MUC12: variants seen among roughly 807,000 people sequenced by gnomAD.
MUC12 encodes the protein mucin 12, cell surface associated, also known as mucin-12.
MUC12 carries 172 observed loss-of-function variants against 230.8 expected under a neutral mutation model. The ratio of observed to expected loss-of-function variants is 0.75; its 90% CI spans 0.66 to 0.85. The LOEUF (loss-of-function observed/expected upper bound fraction) is 0.85. Among genes scored for constraint, MUC12 ranks in the 40% least tolerant of loss-of-function variants. The probability of loss-of-function intolerance (pLI) is 0.00; values close to 1 mark genes in which losing one functional copy is unlikely to be tolerated. For missense variants in MUC12, 3,506 were observed against 5,920.6 expected (o/e 0.59, Z 13.38); for synonymous variants, 1,259 against 2,401.9 (o/e 0.52, Z 13.91).
rs780555857 is a variant in MUC12 at position 101,004,527 on chromosome 7, C to G, written c.13964C>G (p.Pro4655Arg). The change falls in exon 2 of 12, where the codon CCT (proline) becomes CGT (arginine). Residue 4655 changes from proline to arginine, a missense_variant. By Grantham distance (103) the Pro-to-Arg change is moderately radical. Transcript: ENST00000536621. ...PSTTSALVEE[P>R]TSYHSSPGSI... Reference sequence around the variant, plus strand: ...ACCACATCTGCCCTTGTTGAAGAACCTACCAGCTACCACAGCAGCCCGGGC... The same window carrying G: ...ACCACATCTGCCCTTGTTGAAGAACGTACCAGCTACCACAGCAGCCCGGGC... 2 of 1,536,406 alleles carry G rather than the reference C, an allele frequency of 1.3e-6. No homozygotes were observed. Among genetic ancestry groups the G allele is most frequent in the East Asian group, 2.5e-5 (1 of 40,814 alleles).
Position 100,991,746 on chromosome 7 carries a change from C to G in MUC12, c.1183C>G (p.His395Asp). 1 of 1,538,000 alleles carries G rather than the reference C, an allele frequency of 6.5e-7. No individual in the cohort carries two copies. Among genetic ancestry groups the G allele is most frequent in the Admixed American group, 2.0e-5 (1 of 51,008 alleles). The change falls in exon 2 of 12, where the codon CAC becomes GAC. Residue 395 changes from histidine to aspartate, a missense_variant. By Grantham distance (81) the His-to-Asp change is moderately conservative. Transcript: ENST00000536621. Reference sequence around the variant, plus strand: ...AGCAACTTTCCACGGCAGCACAACACACACAAAATCTTCAACTCCTAGCAC... The same window carrying G: ...AGCAACTTTCCACGGCAGCACAACAGACACAAAATCTTCAACTCCTAGCAC... ...ESATFHGSTT[H>D]TKSSTPSTTA...
At chr7:101,007,397 C>T (rs903464331) in intron 3 of MUC12, among the ~76,000 whole-genome samples, 2 of 152,200 alleles carry the variant, frequency 1.3e-5, no homozygotes, top group African/African-American at 4.8e-5. Flanking sequence ...CTCTCACCTC[C>T]ACCCTACTAC....
At position 100,969,606 on chromosome 7, in the gene MUC12, G is replaced by A; in HGVS notation, c.-17G>A. 1.3e-6 allele frequency: 2 copies of A among 1,537,448 alleles called. No homozygotes were observed. Among genetic ancestry groups the A allele is most frequent in the Non-Finnish European group, 1.7e-6 (2 of 1,146,950 alleles). ...TGATGAGAGAAGATGGGCAGCCAGGGGCCCGTTCCCCGGGAGATGCTGGTG... is the reference window on the plus strand; with the variant it reads ...TGATGAGAGAAGATGGGCAGCCAGGAGCCCGTTCCCCGGGAGATGCTGGTG... On this transcript the variant is annotated 5_prime_UTR_variant, in exon 1 of 12. Coordinates refer to ENST00000536621, the MANE Select transcript of MUC12 (RefSeq NM_001164462.2).
At position 100,979,164 on chromosome 7, in the gene MUC12, CTG is replaced by C. The variant is rs1234537740; in HGVS notation, c.67+9477_67+9478del. 2.6e-5 allele frequency among the ~76,000 whole-genome samples: 4 copies of C among 152,252 alleles called. No homozygotes were observed. In the South Asian group the frequency reaches 6.2e-4, roughly 24 times the overall value. On this transcript the variant is annotated intron_variant, in intron 1 of 11. Coordinates refer to ENST00000536621, the MANE Select transcript of MUC12 (RefSeq NM_001164462.2). Reference sequence around the variant, plus strand: ...ATGTGGAATGTAGAAGCAGTAAACACTGTAAATGGGCAAGAAAGGACTCAACT... The same window carrying C: ...ATGTGGAATGTAGAAGCAGTAAACACTAAATGGGCAAGAAAGGACTCAACT...
Position 101,012,876 on chromosome 7 carries a change from G to A in MUC12, c.15461G>A (p.Gly5154Asp). The change falls in exon 7 of 12, where the codon GGC becomes GAC. Residue 5154 changes from glycine (G) to aspartate (D), a missense_variant. Physicochemically the swap from Gly to Asp is moderately conservative, Grantham distance 94. Coordinates refer to ENST00000536621, the MANE Select transcript of MUC12 (RefSeq NM_001164462.2). ...DTFVDSSVTP[G>D]FDFQEQCTQK... ...TTCGTGGATTCATCGGTGACTCCGGGCTTTGACTTCCAGGGTAAGCGACTA... is the reference window on the plus strand; with the variant it reads ...TTCGTGGATTCATCGGTGACTCCGGACTTTGACTTCCAGGGTAAGCGACTA... The A allele has an allele frequency of 6.5e-7, 1 of 1,537,274 alleles. No individual in the cohort carries two copies. The highest frequency in any genetic ancestry group is 8.7e-7 in the Non-Finnish European group (1 of 1,146,920).
intron 1 of MUC12, among the ~76,000 whole-genome samples, chr7:100,978,061 CCT>C (rs1168106499): frequency 1.6e-4 from 24 of 152,156 alleles, no homozygotes; most frequent in African/African-American, 5.3e-4. Context: ...CTGGAAAGCC[CCT>C]GTTTCCAAAG....
At chr7:101,009,653 C>T (rs541147336) in intron 5 of MUC12, among the ~76,000 whole-genome samples, 80 of 151,966 alleles carry the variant, frequency 5.3e-4, no homozygotes, top group Non-Finnish European at 1.0e-3. Flanking sequence ...GGCAACATAG[C>T]GAGATCCCAT....
In MUC12 at chr7:101,013,171, C is replaced by T. The variant is rs1562794789; in HGVS notation, c.15638+29C>T. On this transcript the variant is annotated intron_variant, in intron 8 of 11. Transcript: ENST00000536621. Reference sequence around the variant, plus strand: ...AGTGTCCCCATAAGCCCAGCACCCACTCTGTCCTGGTGATAGGGCCCTCCC... The same window carrying T: ...AGTGTCCCCATAAGCCCAGCACCCATTCTGTCCTGGTGATAGGGCCCTCCC... 3.3e-6 allele frequency: 5 copies of T among 1,536,546 alleles called. No individual in the cohort carries two copies. In the South Asian group the frequency reaches 3.6e-5, roughly 11 times the overall value.
intron 11 of MUC12, 118 bp from the exon 12 acceptor site, chr7:101,018,457 AGGACTCCCTCCCTCCCCCTG>A (rs879050285): frequency 0.067 from 6,728 of 101,172 alleles, 226 homozygotes; most frequent in African/African-American, 0.26. Flanking sequence ...TCCTCTCCCT[AGGACTCCCTCCCTCCCCCTG>A]GGACTCCCTC....
At chr7:101,015,774 G>A (rs2116364848) in intron 10 of MUC12, 83 bp downstream of exon 10, 7 of 1,246,496 alleles carry the variant, frequency 5.6e-6, no homozygotes, top group African/African-American at 3.0e-5. Flanking sequence ...TGGGGGTGAC[G>A]TGGGGTCCAG....
chr7:100,975,071 G>A (rs2116261493), intron 1 of MUC12, among the ~76,000 whole-genome samples: 1 of 152,426 alleles, frequency 6.6e-6, no homozygotes, highest in South Asian at 2.1e-4. Context: ...GTTTCTGGGA[G>A]GAGCTGTCCT....
chr7:101,006,131 G>C (rs1381877411), intron 2 of MUC12, among the ~76,000 whole-genome samples: 2 of 152,116 alleles, frequency 1.3e-5, no homozygotes, highest in African/African-American at 4.8e-5. Flanking sequence ...ATCCGCATCT[G>C]CTCTGGCCTC....
chr7:100,992,216 T>C lies in MUC12; in HGVS notation c.1653T>C (p.Ala551=), dbSNP rs1171376892. The C allele has an allele frequency of 1.3e-6, 2 of 1,537,500 alleles. No individual in the cohort carries two copies. The highest frequency in any genetic ancestry group is 1.7e-4 in the Middle Eastern group (1 of 5,986). Residue 551 remains alanine, a synonymous_variant, in exon 2 of 12, where the codon GCT becomes GCC. Coordinates refer to ENST00000536621, the MANE Select transcript of MUC12 (RefSeq NM_001164462.2). ...CAGGCCTCAGTCAGGAATCTACAGCTTCCCACAGCAGCCCAGGCCCCACAG... is the reference window on the plus strand; with the variant it reads ...CAGGCCTCAGTCAGGAATCTACAGCCTCCCACAGCAGCCCAGGCCCCACAG... The part of the protein sequence containing the change: ...TMPGLSQEST[A]SHSSPGPTDT...
intron 2 of MUC12, 77 bp downstream of exon 2, chr7:101,005,596 C>G: frequency 2.1e-6 from 3 of 1,422,682 alleles, no homozygotes; most frequent in Non-Finnish European, 2.8e-6. Flanking sequence ...CCATTACAAC[C>G]TCTCTTGGTT....
intron 2 of MUC12, 41 bp downstream of exon 2, chr7:101,005,560 C>T: frequency 6.7e-7 from 1 of 1,502,910 alleles, no homozygotes; most frequent in Non-Finnish European, 8.9e-7. Context: ...GCTTCTTCTC[C>T]AGGCCTGTCC....
At chr7:100,974,498 G>A (rs1288177153) in intron 1 of MUC12, among the ~76,000 whole-genome samples, 1 of 149,520 alleles carries the variant, frequency 6.7e-6, no homozygotes, top group Non-Finnish European at 1.5e-5. Flanking sequence ...TTCCTCTACT[G>A]TGTCTTATCT....
chr7:101,004,793 A>T lies in MUC12; in HGVS notation c.14230A>T (p.Ser4744Cys), dbSNP rs1584843649. ...TGCAAAATCTACCATCCTTTACAGT[A>T]GCTCCAGATCACCAGACCAAACACT... ...LSAKSTILYS[S>C]SRSPDQTLSP... The change falls in exon 2 of 12, where the codon AGC (serine) becomes TGC (cysteine). Residue 4744 changes from serine to cysteine, a missense_variant. By Grantham distance (112) the Ser-to-Cys change is moderately radical (BLOSUM62 -1). Transcript: ENST00000536621. The T allele has an allele frequency of 6.5e-7, 1 of 1,537,776 alleles. No individual in the cohort carries two copies. Among genetic ancestry groups the T allele is most frequent in the East Asian group, 2.4e-5 (1 of 40,916 alleles).
In MUC12 at chr7:101,003,402, G is replaced by A. The variant is rs549751973; in HGVS notation, c.12839G>A (p.Gly4280Asp). Reference protein sequence around the residue: ...PESTTFHSSPGSTETTLLPDN... With the variant: ...PESTTFHSSPDSTETTLLPDN... ...TCTACTACCTTCCACAGCAGCCCAG[G>A]CTCCACTGAAACAACACTCTTACCT... The change falls in exon 2 of 12, where the codon GGC becomes GAC. Residue 4280 changes from glycine (G) to aspartate (D), a missense_variant. Gly to Asp is a moderately conservative substitution (Grantham distance 94, BLOSUM62 -1). Coordinates refer to ENST00000536621, the MANE Select transcript of MUC12 (RefSeq NM_001164462.2). The A allele has an allele frequency of 2.4e-4, 362 of 1,520,990 alleles. 17 individuals carry two copies. The South Asian group carries it at 4.2e-3, about 18-fold the overall frequency. 94.2% of individuals were successfully genotyped at this position (1,520,990 alleles called of 1,614,324 possible). A position where few individuals can be genotyped will look rare whatever the true frequency, so the allele number is the denominator to read the frequency against.
In MUC12 at chr7:100,993,868, C is replaced by A. The variant is rs1793400409; in HGVS notation, c.3305C>A (p.Thr1102Asn). ...TTTPGLSEAS[T>N]TFYSSPRSPT... ...ACACCAGGCCTCAGTGAGGCATCTA[C>A]CACCTTCTACAGCAGCCCCAGATCA... The change falls in exon 2 of 12, where the codon ACC becomes AAC. Residue 1102 changes from threonine (T) to asparagine (N), a missense_variant. Transcript: ENST00000536621. 1 of 1,491,746 alleles carries A rather than the reference C, an allele frequency of 6.7e-7. No individual in the cohort carries two copies. Among genetic ancestry groups the A allele is most frequent in the Non-Finnish European group, 8.9e-7 (1 of 1,125,156 alleles). 92.4% of individuals were successfully genotyped at this position (1,491,746 alleles called of 1,614,324 possible). A position where few individuals can be genotyped will look rare whatever the true frequency, so the allele number is the denominator to read the frequency against.
Sources: gnomAD v4.1 joint callset for allele counts (sites outside exome capture counted in the v4.1 genomes callset) on GRCh38, gnomAD v4.1.1 for gene constraint, MANE v1.5 for transcripts, NCBI Gene and HGNC (gene_info 2026-07-23, HGNC 2026-07-21) for gene names.